The following ATE1 variants were observed in gnomAD, a reference collection of about 807,000 sequenced individuals.
The protein encoded by ATE1 is arginyltransferase 1.
In ATE1, 36 loss-of-function variants were observed where a neutral mutation model predicts 70.5. That is an observed-to-expected ratio of 0.51 (90% CI 0.39 to 0.67). The LOEUF (loss-of-function observed/expected upper bound fraction) is 0.67. Ranked by LOEUF, ATE1 falls within the 30% of genes least tolerant of loss-of-function variation. The probability of loss-of-function intolerance (pLI) is 0.00; values close to 1 mark genes in which losing one functional copy is unlikely to be tolerated. For synonymous variants in ATE1, 232 were observed against 219.3 expected (o/e 1.06, Z -0.51); for missense variants, 593 against 629.5 (o/e 0.94, Z 0.62).
intron 10 of ATE1, among the ~76,000 whole-genome samples, chr10:121,810,790 C>T (rs971962076): frequency 5.3e-5 from 8 of 152,250 alleles, no homozygotes; most frequent in Admixed American, 1.3e-4. Context: ...GCAATCTCCA[C>T]CTCCAGGATT....
At chr10:121,877,001 A>G (rs1023580371) in intron 7 of ATE1, among the ~76,000 whole-genome samples, 4 of 152,046 alleles carry the variant, frequency 2.6e-5, no homozygotes, top group African/African-American at 4.8e-5. Flanking sequence ...GCTTTCCAAC[A>G]TTATCAGCAG....
At chr10:121,884,541 G>A (rs537305166) in intron 7 of ATE1, among the ~76,000 whole-genome samples, 80 of 152,196 alleles carry the variant, frequency 5.3e-4, no homozygotes, top group Non-Finnish European at 1.0e-3. Flanking sequence ...CGTGAGCTAT[G>A]ATGACGACAC....
intron 11 of ATE1, among the ~76,000 whole-genome samples, chr10:121,773,854 T>C (rs1945622845): frequency 6.6e-6 from 1 of 152,186 alleles, no homozygotes; most frequent in Non-Finnish European, 1.5e-5. Flanking sequence ...GCATACTCCC[T>C]TCTTCTTGAA....
At chr10:121,756,484 T>G (rs2936876) in intron 11 of ATE1, among the ~76,000 whole-genome samples, 124,362 of 152,196 alleles carry the variant, frequency 0.82, 51,238 homozygotes, top group Non-Finnish European at 0.88. Flanking sequence ...ATGCCACCTT[T>G]CCCTTCTGCA....
chr10:121,879,645 G>A (rs1010643411), intron 7 of ATE1, among the ~76,000 whole-genome samples: 2 of 152,146 alleles, frequency 1.3e-5, no homozygotes, highest in African/African-American at 4.8e-5. Flanking sequence ...ATGAGTAAAT[G>A]AATATTCATA....
At chr10:121,839,091 C>T (rs1419847283) in intron 9 of ATE1, among the ~76,000 whole-genome samples, 1 of 152,176 alleles carries the variant, frequency 6.6e-6, no homozygotes, top group Non-Finnish European at 1.5e-5. Flanking sequence ...AACTCATCTT[C>T]TCAAGAGCAC....
At chr10:121,919,558 C>CA (rs1031387904) in intron 3 of ATE1, among the ~76,000 whole-genome samples, 7 of 149,842 alleles carry the variant, frequency 4.7e-5, no homozygotes, top group Admixed American at 6.6e-5. Flanking sequence ...GACTCCATCT[C>CA]AAAAAAAAAG....
chr10:121,870,103 A>T, intron 7 of ATE1, 65 bp from the exon 8 acceptor site: 1 of 1,452,292 alleles, frequency 6.9e-7, no homozygotes, highest in Non-Finnish European at 9.6e-7. Context: ...GAACACAGAG[A>T]AAAAGAAAAA....
At chr10:121,778,685 T>A (rs1670281449) in intron 11 of ATE1, among the ~76,000 whole-genome samples, 1 of 146,620 alleles carries the variant, frequency 6.8e-6, no homozygotes, top group Admixed American at 7.1e-5. Context: ...CACTGCAGCC[T>A]CCAGCTCCTG....
intron 5 of ATE1, among the ~76,000 whole-genome samples, 153 bp from the exon 6 acceptor site, chr10:121,902,773 T>C (rs1398699124): frequency 6.6e-6 from 1 of 152,220 alleles, no homozygotes; most frequent in Non-Finnish European, 1.5e-5. Flanking sequence ...TACAGAGCTG[T>C]AAGTGGATCT....
chr10:121,852,344 C>T (rs1949086517), intron 8 of ATE1, among the ~76,000 whole-genome samples: 1 of 152,190 alleles, frequency 6.6e-6, no homozygotes, highest in South Asian at 2.1e-4. Context: ...TCCTTTTAGG[C>T]ACCTGATACA....
chr10:121,896,823 CAAAAAAAAAAA>C (rs869156572), intron 7 of ATE1, among the ~76,000 whole-genome samples: 1 of 28,354 alleles, frequency 3.5e-5, no homozygotes, highest in Admixed American at 5.2e-4. Flanking sequence ...GACTTTGTCT[CAAAAAAAAAAA>C]AAAAAAAAAA....
intron 6 of ATE1, among the ~76,000 whole-genome samples, chr10:121,900,785 CA>C (rs1950951644): frequency 6.6e-6 from 1 of 152,148 alleles, no homozygotes; most frequent in South Asian, 2.1e-4. Context: ...TCATTACATT[CA>C]AAAAGTACAA....
intron 1 of ATE1, chr10:121,927,339 A>T (rs1362735286): frequency 1.0e-6 from 1 of 983,084 alleles, no homozygotes; most frequent in South Asian, 4.7e-5. Context: ...TTTTTTTTTT[A>T]ACTTTTTTTT....
chr10:121,914,098 A>C (rs887403929), intron 3 of ATE1, among the ~76,000 whole-genome samples: 2 of 151,802 alleles, frequency 1.3e-5, no homozygotes, highest in African/African-American at 4.8e-5. Flanking sequence ...ATAGAGTCTC[A>C]CTCTGTCGCC....
At chr10:121,868,951 A>C (rs956524516) in intron 8 of ATE1, among the ~76,000 whole-genome samples, 5 of 152,244 alleles carry the variant, frequency 3.3e-5, no homozygotes, top group Admixed American at 3.3e-4. Flanking sequence ...GGTCTCAGGA[A>C]GGACACAGTA....
intron 10 of ATE1, among the ~76,000 whole-genome samples, chr10:121,810,889 G>A (rs757986431): frequency 2.0e-5 from 3 of 152,034 alleles, no homozygotes; most frequent in Non-Finnish European, 2.9e-5. Context: ...TTTTAATAGA[G>A]ACGGGGTTTC....
chr10:121,927,217 C>CGGGT lies in ATE1; in HGVS notation c.106+623_106+626dup, dbSNP rs1185502723. 17 of 985,190 alleles carry CGGGT rather than the reference C, an allele frequency of 1.7e-5. No homozygotes were observed. The Admixed American group carries it at 1.0e-3, about 61-fold the overall frequency. 61.0% of individuals were successfully genotyped at this position (985,190 alleles called of 1,614,324 possible). A position where few individuals can be genotyped will look rare whatever the true frequency, so the allele number is the denominator to read the frequency against. On this transcript the variant is annotated intron_variant, in intron 1 of 11. Coordinates refer to ENST00000224652, the MANE Select transcript of ATE1 (RefSeq NM_001001976.3). Reference sequence around the variant, plus strand: ...CTTGTGGGCTGGCTTTGCTGTCGTCCGGGTGGGTGGAGGAAAGACACGGCA... The same window carrying CGGGT: ...CTTGTGGGCTGGCTTTGCTGTCGTCCGGGTGGGTGGGTGGAGGAAAGACACGGCA...
intron 10 of ATE1, among the ~76,000 whole-genome samples, chr10:121,810,647 C>T (rs1590360976): frequency 6.6e-6 from 1 of 152,122 alleles, no homozygotes; most frequent in Non-Finnish European, 1.5e-5. Context: ...TCAATACCTT[C>T]CTCCTATCAA....
Sources: allele counts gnomAD v4.1 joint callset (sites outside exome capture counted in the v4.1 genomes callset), GRCh38; gene constraint gnomAD v4.1.1; transcripts MANE v1.5; gene names NCBI Gene and HGNC (gene_info 2026-07-23, HGNC 2026-07-21).